Variants in SLC24A3 observed in about 807,000 individuals in gnomAD.
The protein encoded by SLC24A3 is sodium/potassium/calcium exchanger 3.
In SLC24A3, 28 loss-of-function variants were observed where a neutral mutation model predicts 75.8. That is an observed-to-expected ratio of 0.37 (90% confidence interval 0.27 to 0.51). SLC24A3 has a LOEUF of 0.51. Among genes scored for constraint, SLC24A3 ranks in the 20% least tolerant of loss-of-function variants. The pLI is 0.94. For missense variants in SLC24A3, 663 were observed against 847.8 expected (o/e 0.78, Z 2.71); for synonymous variants, 372 against 334.1 (o/e 1.11, Z -1.24).
chr20:19,421,612 C>T (rs574369407), intron 2 of SLC24A3, among the ~76,000 whole-genome samples: 85 of 152,228 alleles, frequency 5.6e-4, no homozygotes, highest in Non-Finnish European at 1.0e-3. Flanking sequence ...TTCCTTAGTT[C>T]AGCTAAAGAT....
At chr20:19,271,243 A>G (rs752975547) in intron 1 of SLC24A3, among the ~76,000 whole-genome samples, 2 of 152,076 alleles carry the variant, frequency 1.3e-5, no homozygotes, top group Non-Finnish European at 1.5e-5. Flanking sequence ...GGGAATGTCA[A>G]CCTCACTAAT....
chr20:19,212,863 G>A lies in SLC24A3; in HGVS notation c.21G>A (p.Glu7=). ...CGAGGATGCGGCCGTCCGGCGACGA[G>A]GACCGCGCGCGTCGCCGCCGCCGCC... MRPSGD[E]DRARRRRRRR... The change falls in exon 1 of 17, where the codon GAG becomes GAA. Residue 7 remains glutamate (E), a synonymous_variant. Coordinates refer to ENST00000328041, the MANE Select transcript of SLC24A3 (RefSeq NM_020689.4). 5.7e-6 allele frequency: 7 copies of A among 1,220,062 alleles called. No individual in the cohort carries two copies. The highest frequency in any genetic ancestry group is 7.2e-6 in the Non-Finnish European group (7 of 974,244). 75.6% of individuals were successfully genotyped at this position (1,220,062 alleles called of 1,614,324 possible).
chr20:19,310,516 A>G (rs141093927), intron 2 of SLC24A3, among the ~76,000 whole-genome samples: 1 of 152,324 alleles, frequency 6.6e-6, no homozygotes, highest in Non-Finnish European at 1.5e-5. Context: ...GAATTCCATG[A>G]GGACTGTCTA....
At chr20:19,569,982 G>A (rs2031026583) in intron 3 of SLC24A3, among the ~76,000 whole-genome samples, 1 of 152,168 alleles carries the variant, frequency 6.6e-6, no homozygotes, top group African/African-American at 2.4e-5. Context: ...ACCCTGACAG[G>A]TACATTAGAC....
intron 2 of SLC24A3, among the ~76,000 whole-genome samples, chr20:19,467,030 T>C (rs1470527858): frequency 2.0e-5 from 3 of 152,138 alleles, no homozygotes; most frequent in African/African-American, 7.2e-5. Flanking sequence ...CAGTACAGGG[T>C]AATTGCTATG....
At chr20:19,685,503 G>GGGCA (rs1350312766) in intron 12 of SLC24A3, 142 bp downstream of exon 12, 4 of 1,358,866 alleles carry the variant, frequency 2.9e-6, no homozygotes, top group Non-Finnish European at 4.0e-6. Flanking sequence ...AGTCTCCTTT[G>GGGCA]GGCAGGACTT....
rs200051593 is a variant in SLC24A3 at position 19,302,894 on chromosome 20, G to A, written c.271+21807G>A. 5.7e-4 allele frequency among the ~76,000 whole-genome samples: 87 copies of A among 151,906 alleles called. 1 individual carries two copies. The South Asian group carries it at 0.014, about 25-fold the overall frequency. ...CCTGTTGTGGGTAGTTAATATTATC[G>A]TCACCCTAAGTTTTCAAGCAAGGAA... On this transcript the variant is annotated intron_variant, in intron 2 of 16. Transcript: ENST00000328041.
intron 6 of SLC24A3, among the ~76,000 whole-genome samples, chr20:19,619,024 G>A (rs368825331): frequency 6.6e-6 from 1 of 152,128 alleles, no homozygotes; most frequent in African/African-American, 2.4e-5. Flanking sequence ...TTTGCTCCCC[G>A]AGTGCCCCAC....
At chr20:19,472,400 G>T (rs1987889945) in intron 2 of SLC24A3, among the ~76,000 whole-genome samples, 1 of 152,218 alleles carries the variant, frequency 6.6e-6, no homozygotes, top group Non-Finnish European at 1.5e-5. Flanking sequence ...AACTGGGCTT[G>T]CCCTGGGATG....
intron 2 of SLC24A3, among the ~76,000 whole-genome samples, chr20:19,364,240 G>T (rs1985845086): frequency 1.3e-5 from 2 of 152,088 alleles, no homozygotes; most frequent in African/African-American, 4.8e-5. Context: ...CCACGTTTTT[G>T]TATCCCCTGC....
intron 2 of SLC24A3, among the ~76,000 whole-genome samples, chr20:19,332,909 A>G (rs569944092): frequency 2.0e-5 from 3 of 152,126 alleles, no homozygotes; most frequent in African/African-American, 7.2e-5. Flanking sequence ...GAGCCAGGAC[A>G]ATTTAGGGAG....
At chr20:19,268,908 A>G (rs1983245217) in intron 1 of SLC24A3, among the ~76,000 whole-genome samples, 1 of 152,248 alleles carries the variant, frequency 6.6e-6, no homozygotes, top group Admixed American at 6.5e-5. Flanking sequence ...AAAGTCAGAC[A>G]AACTCCATCT....
At chr20:19,681,317 T>A (rs962294032) in intron 9 of SLC24A3, among the ~76,000 whole-genome samples, 3 of 152,154 alleles carry the variant, frequency 2.0e-5, no homozygotes, top group Non-Finnish European at 4.4e-5. Flanking sequence ...TCCCAACCCA[T>A]GACCTCAGGA....
intron 9 of SLC24A3, among the ~76,000 whole-genome samples, chr20:19,677,159 T>C (rs1351297897): frequency 6.6e-6 from 1 of 152,126 alleles, no homozygotes; most frequent in African/African-American, 2.4e-5. Context: ...GCTTTTGTAC[T>C]TTAAAAGCAA....
chr20:19,619,742 A>G (rs2031780224), intron 6 of SLC24A3, among the ~76,000 whole-genome samples: 2 of 152,088 alleles, frequency 1.3e-5, no homozygotes, highest in South Asian at 4.1e-4. Flanking sequence ...TTATTAGTAT[A>G]CGTTGTATGT....
chr20:19,441,074 C>A (rs1263920039), intron 2 of SLC24A3, among the ~76,000 whole-genome samples: 3 of 152,174 alleles, frequency 2.0e-5, no homozygotes, highest in African/African-American at 7.2e-5. Context: ...GCACCCACTC[C>A]TGGGTGAGGC....
At chr20:19,612,030 A>G (rs1027191310) in intron 6 of SLC24A3, among the ~76,000 whole-genome samples, 5 of 151,936 alleles carry the variant, frequency 3.3e-5, no homozygotes, top group Middle Eastern at 3.2e-3. Context: ...TTCTCTCTCC[A>G]CACTCGCTTT....
Position 19,693,260 on chromosome 20 carries a change from G to A in SLC24A3, c.1326G>A (p.Ser442=). The A allele has an allele frequency of 3.1e-6, 5 of 1,601,050 alleles. No homozygotes were observed. The highest frequency in any genetic ancestry group is 4.3e-6 in the Non-Finnish European group (5 of 1,174,850). The change falls in exon 13 of 17, where the codon TCG becomes TCA. Residue 442 remains serine, a splice_region_variant and synonymous_variant. Coordinates refer to ENST00000328041, the MANE Select transcript of SLC24A3 (RefSeq NM_020689.4). ...EGPYTPFDTP[S]GKLETVKWAF... The stretch of plus-strand genomic sequence containing the variant: ...TTTTGGCCTTTTTCATTTTTCCAGC[G>A]GGTAAACTGGAAACAGTGAAATGGG...
chr20:19,488,573 C>T (rs998770324), intron 2 of SLC24A3, among the ~76,000 whole-genome samples: 6 of 152,120 alleles, frequency 3.9e-5, no homozygotes, highest in African/African-American at 1.4e-4. Context: ...ACTGTCACCA[C>T]CAGGAAATGC....
Sources: gnomAD v4.1 joint callset for allele counts (sites outside exome capture counted in the v4.1 genomes callset) on GRCh38, gnomAD v4.1.1 for gene constraint, MANE v1.5 for transcripts, NCBI Gene and HGNC (gene_info 2026-07-23, HGNC 2026-07-21) for gene names.